The following LNX1 variants were observed in gnomAD, a reference collection of about 807,000 sequenced individuals.
LNX1 encodes E3 ubiquitin-protein ligase LNX.
A neutral mutation model predicts 68.4 loss-of-function variants in LNX1; 54 were observed. The ratio of observed to expected loss-of-function variants is 0.79; its 90% CI spans 0.63 to 0.99. LNX1 has a LOEUF of 0.99. Among genes scored for constraint, LNX1 ranks in the 50% least tolerant of loss-of-function variants. LNX1 has a pLI of 0.00. For missense variants in LNX1, 906 were observed against 926.4 expected (o/e 0.98, Z 0.29); for synonymous variants, 336 against 350.0 (o/e 0.96, Z 0.45).
intron 2 of LNX1, among the ~76,000 whole-genome samples, chr4:53,515,626 A>T (rs1027953186): frequency 1.3e-5 from 2 of 152,158 alleles, no homozygotes. Context: ...AAGAAGCATT[A>T]TGCATGTAAT....
intron 2 of LNX1, among the ~76,000 whole-genome samples, chr4:53,520,084 GT>G (rs1456711875): frequency 6.6e-5 from 10 of 152,198 alleles, no homozygotes; most frequent in African/African-American, 2.4e-4. Flanking sequence ...ACAGAAGCTA[GT>G]TTTGGAGGAG....
chr4:53,573,930 C>T lies in LNX1; in HGVS notation c.73G>A (p.Glu25Lys), dbSNP rs771784538. Residue 25 changes from glutamate (E) to lysine (K), a missense_variant, in exon 2 of 11, where the codon GAA (glutamate) becomes AAA (lysine). Physicochemically the swap from Glu to Lys is moderately conservative, Grantham distance 56 (BLOSUM62 1). Coordinates refer to ENST00000263925, the MANE Select transcript of LNX1 (RefSeq NM_001126328.3). ...AVCGQAHSLE[E>K]NHFYSYPEEV... ...TCTGGATAGCTGTAGAAGTGGTTTTCCTCCAAGGAGTGGGCTTGGCCACAC... is the reference window on the plus strand; with the variant it reads ...TCTGGATAGCTGTAGAAGTGGTTTTTCTCCAAGGAGTGGGCTTGGCCACAC... The T allele has an allele frequency of 1.5e-5, 25 of 1,613,706 alleles. No homozygotes were observed. The highest frequency in any genetic ancestry group is 2.0e-5 in the Non-Finnish European group (24 of 1,179,830).
At position 53,605,641 on chromosome 4, in the gene LNX1, G is replaced by T. The variant is rs539547691; in HGVS notation, c.-215+10876C>A. Among the ~76,000 whole-genome samples, 4 of 152,012 alleles carry T rather than the reference G, an allele frequency of 2.6e-5. No individual in the cohort carries two copies. The East Asian group carries it at 7.7e-4, about 29-fold the overall frequency. ...TTATACTCTGTTTCTCTGTATTCAT[G>T]TTTTTTTTAAAATTCCATATATAAG... is the stretch of plus-strand genomic sequence containing the variant. On this transcript the variant is annotated intron_variant, in intron 2 of 3. Coordinates refer to the LNX1 transcript ENST00000504299.
intron 9 of LNX1, among the ~76,000 whole-genome samples, chr4:53,469,227 C>T (rs1251886996): frequency 6.6e-6 from 1 of 152,170 alleles, no homozygotes; most frequent in Non-Finnish European, 1.5e-5. Flanking sequence ...GAACAACCTG[C>T]TCCTGAATGA....
chr4:53,576,147 G>T, intron 1 of LNX1: 1 of 1,565,300 alleles, frequency 6.4e-7, no homozygotes, highest in East Asian at 2.4e-5. Flanking sequence ...CCCAGCAGCA[G>T]GGGGCCTGGC....
intron 1 of LNX1, among the ~76,000 whole-genome samples, chr4:53,626,889 A>G (rs1362194770): frequency 6.6e-6 from 1 of 152,216 alleles, no homozygotes; most frequent in Admixed American, 6.5e-5. Context: ...ACAGTCTGAA[A>G]TGGAAATTGA....
chr4:53,568,593 G>GGGGGGCACAAGACA (rs1730891281), intron 2 of LNX1, among the ~76,000 whole-genome samples: 1 of 151,320 alleles, frequency 6.6e-6, no homozygotes, highest in South Asian at 2.1e-4. Flanking sequence ...GCACAAGACA[G>GGGGGGCACAAGACA]GGGGGCACAA....
intron 2 of LNX1, among the ~76,000 whole-genome samples, chr4:53,534,962 G>A (rs1728267656): frequency 6.6e-6 from 1 of 152,176 alleles, no homozygotes; most frequent in Non-Finnish European, 1.5e-5. Context: ...GATTGCTCAT[G>A]GGTACAAAGA....
chr4:53,603,395 G>A (rs1463123805), intron 2 of LNX1: 15 of 152,222 alleles, frequency 9.9e-5, no homozygotes, highest in Admixed American at 9.8e-4. Context: ...ATGTGAATTA[G>A]CAGAGCTGGG....
intron 2 of LNX1, among the ~76,000 whole-genome samples, chr4:53,564,269 A>C (rs2109747625): frequency 6.6e-6 from 1 of 152,282 alleles, no homozygotes. Flanking sequence ...CAGGCAGCTG[A>C]GGGGCACCTG....
chr4:53,524,783 A>G (rs1727493263), intron 2 of LNX1, among the ~76,000 whole-genome samples: 1 of 152,190 alleles, frequency 6.6e-6, no homozygotes, highest in Non-Finnish European at 1.5e-5. Flanking sequence ...TGAGGAATTT[A>G]ACATCCAGCT....
chr4:53,466,513 C>T lies in LNX1; in HGVS notation c.1893-4920G>A, dbSNP rs1329687169. On this transcript the variant is annotated intron_variant, in intron 9 of 10. Coordinates refer to ENST00000263925, the MANE Select transcript of LNX1 (RefSeq NM_001126328.3). ...GTGCAGGACAGTGGGTGCAGCACAC[C>T]GAGCACGAGCCAAAGCAGGGCAAGG... Among the ~76,000 whole-genome samples the T allele has an allele frequency of 6.6e-5, 10 of 152,240 alleles. 1 individual carries two copies. The highest frequency in any genetic ancestry group is 4.1e-4 in the South Asian group (2 of 4,826).
chr4:53,495,517 C>T (rs1724985125), intron 6 of LNX1, among the ~76,000 whole-genome samples: 1 of 148,176 alleles, frequency 6.7e-6, no homozygotes, highest in Non-Finnish European at 1.5e-5. Context: ...CTTACTCTGT[C>T]CATAGGATCC....
intron 1 of LNX1, among the ~76,000 whole-genome samples, chr4:53,586,701 G>T (rs1732193010): frequency 6.6e-6 from 1 of 152,150 alleles, no homozygotes; most frequent in African/African-American, 2.4e-5. Flanking sequence ...AGGTGAAGAA[G>T]GGCAAAGGCA....
chr4:53,500,754 G>A (rs1725416608), intron 4 of LNX1, among the ~76,000 whole-genome samples: 1 of 152,182 alleles, frequency 6.6e-6, no homozygotes, highest in Admixed American at 6.5e-5. Flanking sequence ...CAGTACTCGG[G>A]TGATTGAGTT....
intron 2 of LNX1, among the ~76,000 whole-genome samples, chr4:53,615,966 C>G (rs995009147): frequency 6.6e-6 from 1 of 151,772 alleles, no homozygotes; most frequent in Non-Finnish European, 1.5e-5. Flanking sequence ...CTACAGTCAC[C>G]CTGTTGTGCT....
chr4:53,489,745 T>C (rs1276136108), intron 6 of LNX1, among the ~76,000 whole-genome samples: 1 of 152,120 alleles, frequency 6.6e-6, no homozygotes, highest in Non-Finnish European at 1.5e-5. Context: ...GAGCCCTAGA[T>C]AAAAATCACT....
chr4:53,507,556 G>GTGTATATAC, intron 3 of LNX1, 87 bp from the exon 4 acceptor site: 1 of 1,399,170 alleles, frequency 7.1e-7, no homozygotes, highest in South Asian at 1.3e-5. Flanking sequence ...TACACAATAA[G>GTGTATATAC]ACATTAACAG....
intron 2 of LNX1, among the ~76,000 whole-genome samples, chr4:53,567,652 G>A (rs2109759654): frequency 6.6e-6 from 1 of 152,156 alleles, no homozygotes; most frequent in South Asian, 2.1e-4. Context: ...AATCAGAGCA[G>A]AACTGAAGGA....
Sources: gnomAD v4.1 joint callset for allele counts (sites outside exome capture counted in the v4.1 genomes callset) on GRCh38, gnomAD v4.1.1 for gene constraint, MANE v1.5 for transcripts, NCBI Gene and HGNC (gene_info 2026-07-23, HGNC 2026-07-21) for gene names.